LAMA3: variants seen among roughly 807,000 people sequenced by gnomAD.
LAMA3 encodes the protein laminin subunit alpha-3.
Under a neutral mutation model 402.0 loss-of-function variants are expected in LAMA3, and 281 were observed. The ratio of observed to expected loss-of-function variants is 0.70; its 90% CI spans 0.63 to 0.77. The LOEUF is 0.77. LAMA3 is among the 30% of genes least tolerant of loss of function. The probability of loss-of-function intolerance (pLI) is 0.00; values close to 1 mark genes in which losing one functional copy is unlikely to be tolerated. For missense variants in LAMA3, 3,840 were observed against 4,215.5 expected, an observed-to-expected ratio of 0.91 and a Z score of 2.47; for synonymous variants, 1,431 against 1,558.4, an observed-to-expected ratio of 0.92 and a Z score of 1.93.
At chr18:23,871,859 T>A (rs773339729) in intron 38 of LAMA3, among the ~76,000 whole-genome samples, 198 bp downstream of exon 38, 1 of 152,200 alleles carries the variant, frequency 6.6e-6, no homozygotes, top group Admixed American at 6.5e-5. Context: ...TGTCTCAGAA[T>A]TCATAGGAAA....
At chr18:23,690,027 C>A in intron 1 of LAMA3, 50 bp downstream of exon 1, 1 of 1,313,668 alleles carries the variant, frequency 7.6e-7, no homozygotes, top group Non-Finnish European at 1.0e-6. Flanking sequence ...CCTTCCCGCG[C>A]CGGCCAGACA....
At chr18:23,702,262 C>T (rs1038829497) in intron 1 of LAMA3, among the ~76,000 whole-genome samples, 4 of 152,112 alleles carry the variant, frequency 2.6e-5, no homozygotes, top group African/African-American at 9.7e-5. Context: ...TAGAAAAACA[C>T]AGTTCTCAGT....
chr18:23,900,076 T>TGTGC, intron 47 of LAMA3, among the ~76,000 whole-genome samples: 2 of 151,666 alleles, frequency 1.3e-5, no homozygotes, highest in Middle Eastern at 6.8e-3. Context: ...TGTGCGTGTG[T>TGTGC]GTGTGTGTGT....
At chr18:23,873,364 A>C in intron 38 of LAMA3, 1 of 789,206 alleles carries the variant, frequency 1.3e-6, no homozygotes. Context: ...AGTGTTTATT[A>C]CAGTGCCTGA....
chr18:23,887,548 T>A (rs141255335), intron 41 of LAMA3, among the ~76,000 whole-genome samples: 14 of 152,332 alleles, frequency 9.2e-5, no homozygotes, highest in African/African-American at 2.4e-4. Flanking sequence ...CTTTAAAAAA[T>A]TTTTTGAAGC....
chr18:23,939,503 C>G, intron 68 of LAMA3, 117 bp downstream of exon 68: 1 of 1,099,896 alleles, frequency 9.1e-7, no homozygotes, highest in Middle Eastern at 2.5e-4. Context: ...GTGGCACTAC[C>G]ATTTTTGTGC....
In LAMA3 at chr18:23,851,679, C is replaced by T. The variant is rs549783475; in HGVS notation, c.4136+4011C>T. 3.9e-5 allele frequency among the ~76,000 whole-genome samples: 6 copies of T among 152,340 alleles called. No individual in the cohort carries two copies. In the East Asian group the frequency reaches 7.7e-4, roughly 20 times the overall value. ...ACCCATTCTCCTGGCTTCAGCCACC[C>T]TCACTCCTGGATGATTCCCAGATCC... On this transcript the variant is annotated intron_variant, in intron 32 of 74. Coordinates refer to ENST00000313654, the MANE Select transcript of LAMA3 (RefSeq NM_198129.4).
At chr18:23,818,740 A>C (rs1347412211) in intron 18 of LAMA3, among the ~76,000 whole-genome samples, 1 of 152,148 alleles carries the variant, frequency 6.6e-6, no homozygotes, top group Non-Finnish European at 1.5e-5. Flanking sequence ...TTTTTTCTAG[A>C]CCTTGTCTAT....
intron 62 of LAMA3, among the ~76,000 whole-genome samples, chr18:23,922,178 A>T (rs1369424093): frequency 6.6e-6 from 1 of 152,240 alleles, no homozygotes; most frequent in Non-Finnish European, 1.5e-5. Flanking sequence ...CGTAAAAATA[A>T]CTTTTACATT....
rs1379179694 is a variant in LAMA3, at chr18:23,946,285, GTAAA to G, written c.9351+4_9351+7del. 6.8e-6 allele frequency: 11 copies of G among 1,613,774 alleles called. No individual in the cohort carries two copies. Among genetic ancestry groups the G allele is most frequent in the Non-Finnish European group, 9.3e-6 (11 of 1,179,894 alleles). ...ATCACCTCCATCAGGGAAACCAAAG[GTAAA>G]TAGTTATGTTCAGAGCCATGGACAG... On this transcript the variant is annotated splice_donor_variant and splice_donor_5th_base_variant and intron_variant, in intron 70 of 74. Coordinates refer to ENST00000313654, the MANE Select transcript of LAMA3 (RefSeq NM_198129.4). LOFTEE classifies it high-confidence loss of function.
intron 1 of LAMA3, among the ~76,000 whole-genome samples, chr18:23,690,882 T>C (rs2039800809): frequency 7.2e-6 from 1 of 138,948 alleles, no homozygotes; most frequent in Non-Finnish European, 1.6e-5. Context: ...ATTATTTATT[T>C]ATTTATTTAT....
At chr18:23,805,797 G>T (rs2062951592) in intron 12 of LAMA3, among the ~76,000 whole-genome samples, 1 of 152,132 alleles carries the variant, frequency 6.6e-6, no homozygotes, top group South Asian at 2.1e-4. Flanking sequence ...CTTGGTAAAA[G>T]GCCATAGGTC....
At chr18:23,911,811 T>C (rs1200154798) in intron 55 of LAMA3, among the ~76,000 whole-genome samples, 1 of 147,058 alleles carries the variant, frequency 6.8e-6, no homozygotes, top group Admixed American at 6.8e-5. Flanking sequence ...TTATATATTA[T>C]AATCATATAT....
chr18:23,882,827 G>C (rs1173066132), intron 40 of LAMA3, among the ~76,000 whole-genome samples: 1 of 152,164 alleles, frequency 6.6e-6, no homozygotes, highest in Admixed American at 6.5e-5. Flanking sequence ...TTGACCTAGA[G>C]TGTGGCAGGG....
At chr18:23,776,330 G>A (rs1598768850) in intron 10 of LAMA3, among the ~76,000 whole-genome samples, 1 of 152,240 alleles carries the variant, frequency 6.6e-6, no homozygotes, top group South Asian at 2.1e-4. Flanking sequence ...TGCTGTACAA[G>A]AGGCCAAGTT....
chr18:23,863,489 C>T (rs1006943240), intron 35 of LAMA3, among the ~76,000 whole-genome samples: 1 of 152,132 alleles, frequency 6.6e-6, no homozygotes, highest in Admixed American at 6.5e-5. Context: ...AGCCCCACCT[C>T]TTGAAGGCAG....
chr18:23,946,523 C>T (rs373323850), intron 70 of LAMA3: 24 of 534,522 alleles, frequency 4.5e-5, no homozygotes, highest in African/African-American at 4.0e-4. Flanking sequence ...TAGAGCTTCT[C>T]TGCCACTTCC....
chr18:23,689,785 G>C lies in LAMA3; in HGVS notation c.102G>C (p.Ala34=). ...LVLRVLPACG[A]TARDPGAAAG... is the part of the protein sequence containing the mutation. ...TGCGGGTGCTGCCAGCCTGCGGGGC[G>C]ACCGCTCGGGATCCCGGGGCCGCGG... The change falls in exon 1 of 75, where the codon GCG becomes GCC. Residue 34 remains alanine (A), a synonymous_variant. Transcript: ENST00000313654. 1 of 1,532,066 alleles carries C rather than the reference G, an allele frequency of 6.5e-7. No individual in the cohort carries two copies. Among genetic ancestry groups the C allele is most frequent in the Non-Finnish European group, 8.8e-7 (1 of 1,140,564 alleles). The allele number at this position is 1,532,066 out of a possible 1,614,324, so 94.9% of individuals were successfully genotyped here.
intron 66 of LAMA3, among the ~76,000 whole-genome samples, chr18:23,932,766 C>T (rs1005350062): frequency 1.3e-5 from 2 of 151,966 alleles, no homozygotes; most frequent in Non-Finnish European, 2.9e-5. Flanking sequence ...TTTTTTGATA[C>T]AAAATTATTG....
Sources: allele counts gnomAD v4.1 joint callset (sites outside exome capture counted in the v4.1 genomes callset), GRCh38; gene constraint gnomAD v4.1.1; transcripts MANE v1.5; gene names NCBI Gene and HGNC (gene_info 2026-07-23, HGNC 2026-07-21).